The following IMMP2L variants were observed in gnomAD, a reference collection of about 807,000 sequenced individuals.
IMMP2L encodes inner mitochondrial membrane peptidase subunit 2.
A neutral mutation model predicts 19.3 loss-of-function variants in IMMP2L; 18 were observed. The observed-to-expected ratio is 0.93, with a 90% CI of 0.64 to 1.38. IMMP2L has a LOEUF of 1.38. IMMP2L is among the 40% of genes most tolerant of loss of function. IMMP2L has a pLI of 0.00. For synonymous variants in IMMP2L, 76 were observed against 73.0 expected, an observed-to-expected ratio of 1.04 and a Z score of -0.21; for missense variants, 233 against 218.2, an observed-to-expected ratio of 1.07 and a Z score of -0.43.
At position 111,281,150 on chromosome 7, in the gene IMMP2L, GAAAGACAGAA is replaced by G. The variant is rs1563004092; in HGVS notation, c.239+206078_239+206087del. 4.8e-3 allele frequency among the ~76,000 whole-genome samples: 187 copies of G among 39,096 alleles called. 1 individual carries two copies. Among genetic ancestry groups the G allele is most frequent in the South Asian group, 0.012 (8 of 688 alleles). The allele number at this position is 39,096 out of a possible 152,430, so 25.6% of individuals were successfully genotyped here. A position where few individuals can be genotyped will look rare whatever the true frequency, so the allele number is the denominator to read the frequency against. On this transcript the variant is annotated intron_variant, in intron 3 of 5. Transcript: ENST00000405709. The stretch of plus-strand genomic sequence containing the variant: ...AGAAAGAGAGAAAGACAGAAAGACA[GAAAGACAGAA>G]AGAAAGAAAGAAAGAAAGAAAGAAA...
At chr7:111,412,307 T>C (rs1033998237) in intron 3 of IMMP2L, among the ~76,000 whole-genome samples, 1 of 151,724 alleles carries the variant, frequency 6.6e-6, no homozygotes, top group Non-Finnish European at 1.5e-5. Flanking sequence ...CATCAACAAG[T>C]TGACCTATTT....
intron 5 of IMMP2L, among the ~76,000 whole-genome samples, chr7:110,821,792 G>A (rs747139688): frequency 2.6e-5 from 4 of 151,932 alleles, no homozygotes; most frequent in Non-Finnish European, 2.9e-5. Context: ...GCGTGGTGGC[G>A]CATGCCTGTA....
intron 5 of IMMP2L, among the ~76,000 whole-genome samples, chr7:110,781,896 A>C (rs1468290823): frequency 1.3e-5 from 2 of 151,988 alleles, no homozygotes; most frequent in Non-Finnish European, 2.9e-5. Flanking sequence ...ACTTCTTTGA[A>C]AAATTAACAG....
chr7:111,346,416 C>T (rs1228707291), intron 3 of IMMP2L, among the ~76,000 whole-genome samples: 3 of 152,184 alleles, frequency 2.0e-5, no homozygotes, highest in East Asian at 1.9e-4. Flanking sequence ...ATCTGTTATT[C>T]AATATGTAAG....
chr7:110,894,775 C>A (rs1305000888), intron 4 of IMMP2L, among the ~76,000 whole-genome samples: 1 of 152,050 alleles, frequency 6.6e-6, no homozygotes, highest in African/African-American at 2.4e-5. Context: ...TATTGCTTAA[C>A]CCAAAAATCA....
intron 3 of IMMP2L, chr7:111,097,414 T>G (rs532988311): frequency 6.6e-6 from 1 of 151,980 alleles, no homozygotes; most frequent in Non-Finnish European, 1.5e-5. Context: ...ACTTATAACT[T>G]TTTTCTAAAA....
chr7:111,383,380 G>T (rs2131249450), intron 3 of IMMP2L, among the ~76,000 whole-genome samples: 1 of 152,198 alleles, frequency 6.6e-6, no homozygotes, highest in East Asian at 1.9e-4. Context: ...AGGCTGAGTG[G>T]TCATAATTAT....
intron 2 of IMMP2L, among the ~76,000 whole-genome samples, chr7:111,493,366 C>G (rs931617409): frequency 2.6e-5 from 4 of 152,012 alleles, no homozygotes; most frequent in African/African-American, 9.7e-5. Context: ...CTATAAGAAC[C>G]ACAGTTTTCT....
intron 5 of IMMP2L, among the ~76,000 whole-genome samples, chr7:110,669,090 T>C (rs1791698327): frequency 9.0e-6 from 1 of 110,974 alleles, no homozygotes; most frequent in Admixed American, 8.3e-5. Flanking sequence ...TGTGTGTGTG[T>C]ATATGTATAT....
chr7:110,675,173 TGTATAAGGCTAGTGGTGA>T (rs1792210940), intron 5 of IMMP2L, among the ~76,000 whole-genome samples: 2 of 152,338 alleles, frequency 1.3e-5, no homozygotes, highest in Admixed American at 1.3e-4. Context: ...TCTCTTAGAA[TGTATAAGGCTAGTGGTGA>T]GTATAAGGCT....
chr7:110,734,742 AAC>A (rs1796504785), intron 5 of IMMP2L, among the ~76,000 whole-genome samples: 3 of 152,070 alleles, frequency 2.0e-5, no homozygotes, highest in African/African-American at 7.2e-5. Flanking sequence ...CAAACAAACA[AAC>A]AAAAAACCAG....
intron 3 of IMMP2L, among the ~76,000 whole-genome samples, chr7:111,343,309 G>A (rs1734383603): frequency 6.6e-6 from 1 of 152,018 alleles, no homozygotes; most frequent in South Asian, 2.1e-4. Context: ...GCTCACTTCT[G>A]TGACTTTTCC....
At chr7:111,366,036 T>C (rs185194436) in intron 3 of IMMP2L, among the ~76,000 whole-genome samples, 1 of 152,030 alleles carries the variant, frequency 6.6e-6, no homozygotes, top group Non-Finnish European at 1.5e-5. Flanking sequence ...TTTGCAACCA[T>C]GACAATAAAG....
intron 3 of IMMP2L, among the ~76,000 whole-genome samples, chr7:111,097,593 C>T (rs1002632236): frequency 2.6e-5 from 4 of 151,202 alleles, no homozygotes; most frequent in Non-Finnish European, 5.9e-5. Context: ...GGAAAAAAAA[C>T]AAAAAAATGT....
intron 5 of IMMP2L, among the ~76,000 whole-genome samples, chr7:110,883,217 G>A (rs1042809830): frequency 1.3e-5 from 2 of 151,824 alleles, no homozygotes; most frequent in African/African-American, 4.8e-5. Context: ...AAAATTTTTT[G>A]TACTTCATAA....
chr7:111,418,731 A>G (rs995431091), intron 3 of IMMP2L, among the ~76,000 whole-genome samples: 6 of 150,922 alleles, frequency 4.0e-5, no homozygotes, highest in African/African-American at 1.5e-4. Flanking sequence ...TTAATTTAAG[A>G]AAATAAAAAA....
chr7:111,514,641 C>A (rs1023663553), intron 2 of IMMP2L, among the ~76,000 whole-genome samples: 5 of 151,932 alleles, frequency 3.3e-5, no homozygotes, highest in African/African-American at 1.2e-4. Flanking sequence ...ATAAATTATA[C>A]CTCAATAAAA....
At chr7:110,962,401 T>C (rs1819044780) in intron 4 of IMMP2L, 1 of 151,762 alleles carries the variant, frequency 6.6e-6, no homozygotes, top group African/African-American at 2.4e-5. Flanking sequence ...AAAATTATAG[T>C]CCTTTTCCAA....
rs190748846 is a variant in IMMP2L at position 111,033,757 on chromosome 7, A to C, written c.240-70192T>G. Among the ~76,000 whole-genome samples the C allele has an allele frequency of 7.7e-4, 118 of 152,346 alleles. 1 individual carries two copies. The highest frequency in any genetic ancestry group is 5.8e-3 in the Admixed American group (89 of 15,306). On this transcript the variant is annotated intron_variant, in intron 3 of 5. Coordinates refer to ENST00000405709, the MANE Select transcript of IMMP2L (RefSeq NM_032549.4). ...AATTCCAACTATATGACATTCTGAT[A>C]TTTATGCATGAGACATGAAAACATA...
Sources: allele counts gnomAD v4.1 joint callset (sites outside exome capture counted in the v4.1 genomes callset), GRCh38; gene constraint gnomAD v4.1.1; transcripts MANE v1.5; gene names NCBI Gene and HGNC (gene_info 2026-07-23, HGNC 2026-07-21).